Variants in AP1S1 observed in about 807,000 individuals in gnomAD.
AP1S1 encodes AP-1 complex subunit sigma-1A.
In AP1S1, 13 loss-of-function variants were observed where a neutral mutation model predicts 23.9. That is an observed-to-expected ratio of 0.54 (90% confidence interval 0.35 to 0.86). AP1S1 has a LOEUF of 0.86. Ranked by LOEUF, AP1S1 falls within the 40% of genes least tolerant of loss-of-function variation. The pLI, the probability that AP1S1 is intolerant of heterozygous loss-of-function variation, is 0.01. For synonymous variants in AP1S1, 84 were observed against 77.7 expected (o/e 1.08, Z -0.43); for missense variants, 119 against 197.6 (o/e 0.60, Z 2.38).
chr7:101,159,052 C>T lies in AP1S1; in HGVS notation c.292-7C>T. 1.9e-6 allele frequency: 3 copies of T among 1,612,542 alleles called. No individual in the cohort carries two copies. Among genetic ancestry groups the T allele is most frequent in the Non-Finnish European group, 2.5e-6 (3 of 1,179,222 alleles). On this transcript the variant is annotated splice_polypyrimidine_tract_variant and splice_region_variant and intron_variant, in intron 3 of 4. Coordinates refer to ENST00000337619, the MANE Select transcript of AP1S1 (RefSeq NM_001283.5). ...ATGCTCAACTTAGCCTCTCCCCGCC[C>T]TCCCAGGTGTGCGAGCTGGACATCA...
Position 101,160,375 on chromosome 7 carries a change from C to A in AP1S1, c.430-144C>A, listed in dbSNP as rs1000169903. 50 of 990,150 alleles carry A rather than the reference C, an allele frequency of 5.0e-5. No homozygotes were observed. In the Middle Eastern group the frequency reaches 1.7e-3, roughly 33 times the overall value. The allele number at this position is 990,150 out of a possible 1,614,324, so 61.3% of individuals were successfully genotyped here. A position where few individuals can be genotyped will look rare whatever the true frequency, so the allele number is the denominator to read the frequency against. ...GTGCCCCATGAAGGGCTCACTGGTC[C>A]GGCCTTGGGCTCACATTGGCTTCTC... is the stretch of plus-strand genomic sequence containing the variant. On this transcript the variant is annotated intron_variant, in intron 4 of 4. Coordinates refer to ENST00000337619, the MANE Select transcript of AP1S1 (RefSeq NM_001283.5).
Position 101,154,534 on chromosome 7 carries a change from G to C in AP1S1, c.3+17G>C, listed in dbSNP as rs1002784338. Reference sequence around the variant, plus strand: ...TGCAGGATGGTAGGCTGTGCGAAGAGGGAGGGGAGGGGGAAGCGAGGGGCG... The same window carrying C: ...TGCAGGATGGTAGGCTGTGCGAAGACGGAGGGGAGGGGGAAGCGAGGGGCG... On this transcript the variant is annotated intron_variant, in intron 1 of 4. Transcript: ENST00000337619. The C allele has an allele frequency of 6.4e-7, 1 of 1,566,234 alleles. No individual in the cohort carries two copies. The highest frequency in any genetic ancestry group is 1.4e-5 in the African/African-American group (1 of 73,950).
chr7:101,154,604 ACCGC>A, intron 1 of AP1S1, 87 bp downstream of exon 1: 1 of 1,489,594 alleles, frequency 6.7e-7, no homozygotes, highest in South Asian at 1.2e-5. Flanking sequence ...CTCGGGGTGA[ACCGC>A]CCTGTCTTCC....
At chr7:101,159,721 C>G (rs1338460929) in intron 4 of AP1S1, among the ~76,000 whole-genome samples, 2 of 151,216 alleles carry the variant, frequency 1.3e-5, no homozygotes, top group African/African-American at 4.9e-5. Flanking sequence ...GATGTTGGTT[C>G]TCCCTGCTCC....
chr7:101,157,425 G>T lies in AP1S1; in HGVS notation c.231G>T (p.Glu77Asp), dbSNP rs1272167814. 6.3e-7 allele frequency: 1 copy of T among 1,583,096 alleles called. No individual in the cohort carries two copies. The highest frequency in any genetic ancestry group is 8.6e-7 in the Non-Finnish European group (1 of 1,164,536). ...GCGCCATCGAGGGCCAAGACAATGA[G>T]CTCATCACACTGGAGCTGATCCACC... ...FCCAIEGQDN[E>D]LITLELIHRY... The change falls in exon 3 of 5, where the codon GAG becomes GAT. Residue 77 changes from glutamate to aspartate, a missense_variant. Coordinates refer to ENST00000337619, the MANE Select transcript of AP1S1 (RefSeq NM_001283.5).
intron 1 of AP1S1, chr7:101,154,895 G>C: frequency 9.6e-7 from 1 of 1,039,126 alleles, no homozygotes; most frequent in Non-Finnish European, 1.2e-6. Context: ...CAGTCACCGA[G>C]ACCCCCTTCC....
At chr7:101,154,600 G>C in intron 1 of AP1S1, 83 bp downstream of exon 1, 1 of 1,526,690 alleles carries the variant, frequency 6.6e-7, no homozygotes, top group Non-Finnish European at 8.8e-7. Flanking sequence ...CGCCCTCGGG[G>C]TGAACCGCCC....
At chr7:101,154,617 C>T in intron 1 of AP1S1, 100 bp downstream of exon 1, 1 of 1,483,044 alleles carries the variant, frequency 6.7e-7, no homozygotes. Flanking sequence ...GCCCTGTCTT[C>T]CCTCTGGTCC....
chr7:101,154,544 G>A lies in AP1S1; in HGVS notation c.3+27G>A, dbSNP rs377498734. ...TAGGCTGTGCGAAGAGGGAGGGGAG[G>A]GGGAAGCGAGGGGCGTGGGCTGCAC... is the stretch of plus-strand genomic sequence containing the variant. On this transcript the variant is annotated intron_variant, in intron 1 of 4. Transcript: ENST00000337619. The A allele has an allele frequency of 3.7e-5, 58 of 1,560,174 alleles. No homozygotes were observed. The African/African-American group carries it at 7.3e-4, about 20-fold the overall frequency.
At position 101,160,408 on chromosome 7, in the gene AP1S1, C is replaced by T. The variant is rs35208462; in HGVS notation, c.430-111C>T. ...GGCTCACATTGGCTTCTCTCCCCCT[C>T]CCCCGTGTCTGTGCCTCCCCCGTCT... is the stretch of plus-strand genomic sequence containing the variant. On this transcript the variant is annotated intron_variant, in intron 4 of 4. Transcript: ENST00000337619. 208,945 of 1,302,510 alleles carry T rather than the reference C, an allele frequency of 0.16. 17,578 individuals are homozygous for T. Among genetic ancestry groups the T allele is most frequent in the South Asian group, 0.2 (16,289 of 82,906 alleles). The allele number at this position is 1,302,510 out of a possible 1,614,324, so 80.7% of individuals were successfully genotyped here. A position where few individuals can be genotyped will look rare whatever the true frequency, so the allele number is the denominator to read the frequency against.
intron 2 of AP1S1, 116 bp from the exon 3 acceptor site, chr7:101,157,261 C>T: frequency 1.3e-6 from 1 of 762,384 alleles, no homozygotes; most frequent in South Asian, 1.7e-5. Flanking sequence ...CTAGGGCCAC[C>T]TCACCTGTGG....
chr7:101,158,220 C>T (rs1189958328), intron 3 of AP1S1, among the ~76,000 whole-genome samples: 1 of 152,168 alleles, frequency 6.6e-6, no homozygotes, highest in Admixed American at 6.5e-5. Context: ...AGGGACAGCT[C>T]AGATCTTAGA....
At position 101,161,261 on chromosome 7, in the gene AP1S1, T is replaced by G. The variant is rs3177697; in HGVS notation, c.*695T>G. 115,955 of 163,110 alleles carry G rather than the reference T, an allele frequency of 0.71. 41,822 individuals are homozygous for G. Among genetic ancestry groups the G allele is most frequent in the Non-Finnish European group, 0.76 (56,624 of 74,636 alleles). The allele number at this position is 163,110 out of a possible 1,614,324, so 10.1% of individuals were successfully genotyped here. On this transcript the variant is annotated 3_prime_UTR_variant, in exon 5 of 5. Transcript: ENST00000337619. ...TATGTCCTTTCTTCTGAAATAAAAG[T>G]AAAAGCATTTCTGGACTTTGCTGGC...
At chr7:101,157,353 T>C in intron 2 of AP1S1, 24 bp from the exon 3 acceptor site, 2 of 1,529,182 alleles carry the variant, frequency 1.3e-6, no homozygotes, top group Non-Finnish European at 8.9e-7. Flanking sequence ...CTTGTAGCGA[T>C]GTCTCATGCG....
rs749062554 is a variant in AP1S1 at position 101,154,528 on chromosome 7, C to T, written c.3+11C>T. ...GGAGGCTGCAGGATGGTAGGCTGTGCGAAGAGGGAGGGGAGGGGGAAGCGA... is the reference window on the plus strand; with the variant it reads ...GGAGGCTGCAGGATGGTAGGCTGTGTGAAGAGGGAGGGGAGGGGGAAGCGA... On this transcript the variant is annotated intron_variant, in intron 1 of 4. Coordinates refer to ENST00000337619, the MANE Select transcript of AP1S1 (RefSeq NM_001283.5). The T allele has an allele frequency of 7.0e-6, 11 of 1,562,500 alleles. No individual in the cohort carries two copies. Among genetic ancestry groups the T allele is most frequent in the Non-Finnish European group, 9.5e-6 (11 of 1,155,348 alleles).
Position 101,159,123 on chromosome 7 carries a change from T to TG in AP1S1, c.364dup (p.Asp122GlyfsTer18), listed in dbSNP as rs767358930. The TG allele has an allele frequency of 4.3e-5, 69 of 1,612,288 alleles. No homozygotes were observed. Among genetic ancestry groups the TG allele is most frequent in the East Asian group, 6.7e-5 (3 of 44,840 alleles). ...TACTTCATCCTGGATGAGTTTTTGA[T>TG]GGGGGGGGATGTCCAGGACACCTCC... is the stretch of plus-strand genomic sequence containing the variant. On this transcript the variant is annotated frameshift_variant, in exon 4 of 5. Transcript: ENST00000337619. LOFTEE classifies it high-confidence loss of function.
intron 1 of AP1S1, 94 bp from the exon 2 acceptor site, chr7:101,156,500 G>A (rs907709753): frequency 9.2e-6 from 13 of 1,419,648 alleles, no homozygotes; most frequent in Admixed American, 2.0e-5. Context: ...GAGAGCAAGG[G>A]GCTGGATGTT....
intron 1 of AP1S1, 141 bp downstream of exon 1, chr7:101,154,658 C>A: frequency 2.2e-6 from 2 of 895,682 alleles, no homozygotes; most frequent in Non-Finnish European, 1.4e-6. Context: ...GGCGGGTGGG[C>A]GAGCCGGGCT....
At chr7:101,159,381 G>A in intron 4 of AP1S1, 185 bp downstream of exon 4, 1 of 829,134 alleles carries the variant, frequency 1.2e-6, no homozygotes, top group Non-Finnish European at 1.8e-6. Context: ...GGGGTGGGAG[G>A]TAGGGTGGCA....
Sources: allele counts gnomAD v4.1 joint callset (sites outside exome capture counted in the v4.1 genomes callset), GRCh38; gene constraint gnomAD v4.1.1; transcripts MANE v1.5; gene names NCBI Gene and HGNC (gene_info 2026-07-23, HGNC 2026-07-21).